GGA2: variants seen among roughly 807,000 people sequenced by gnomAD.
The protein encoded by GGA2 is golgi associated, gamma adaptin ear containing, ARF binding protein 2.
GGA2 carries 48 observed loss-of-function variants against 79.5 expected under a neutral mutation model. That is an observed-to-expected ratio of 0.60 (90% CI 0.48 to 0.77). The LOEUF (loss-of-function observed/expected upper bound fraction) is 0.77. GGA2 is among the 30% of genes least tolerant of loss of function. The pLI, the probability that GGA2 is intolerant of heterozygous loss-of-function variation, is 0.00. For synonymous variants in GGA2, 317 were observed against 302.0 expected, an observed-to-expected ratio of 1.05 and a Z score of -0.51; for missense variants, 770 against 774.0, an observed-to-expected ratio of 0.99 and a Z score of 0.06.
At chr16:23,494,095 A>G in intron 3 of GGA2, 1 of 587,132 alleles carries the variant, frequency 1.7e-6, no homozygotes, top group Admixed American at 3.0e-5. Context: ...AGTAGACTCA[A>G]TGCTGCCCTG....
intron 3 of GGA2, 45 bp from the exon 4 acceptor site, chr16:23,493,503 TC>T: frequency 8.3e-7 from 1 of 1,207,196 alleles, no homozygotes; most frequent in Non-Finnish European, 1.2e-6. Flanking sequence ...AAGCCAGTGG[TC>T]CCAGGCTCCC....
intron 1 of GGA2, among the ~76,000 whole-genome samples, chr16:23,520,012 C>T (rs766813865): frequency 2.6e-5 from 4 of 152,034 alleles, no homozygotes; most frequent in East Asian, 3.9e-4. Context: ...TTTGGGAGGC[C>T]GAGGCAGGCG....
Position 23,510,400 on chromosome 16 carries a change from G to T in GGA2, c.12C>A (p.Thr4=). 3 of 1,379,956 alleles carry T rather than the reference G, an allele frequency of 2.2e-6. No individual in the cohort carries two copies. Among genetic ancestry groups the T allele is most frequent in the South Asian group, 1.5e-5 (1 of 65,320 alleles). The allele number at this position is 1,379,956 out of a possible 1,614,324, so 85.5% of individuals were successfully genotyped here. ...TTCCCGCCACAGCCGCCGCCACCGC[G>T]GTCGCCGCCATCGCTCCAGCCCCGA... is the stretch of plus-strand genomic sequence containing the variant. MAA[T]AVAAAVAGTE... The change falls in exon 1 of 17, where the codon ACC becomes ACA. Residue 4 remains threonine (T), a synonymous_variant. Transcript: ENST00000309859.
intron 1 of GGA2, among the ~76,000 whole-genome samples, chr16:23,504,937 A>G (rs773859373): frequency 6.6e-5 from 10 of 152,180 alleles, no homozygotes; most frequent in Non-Finnish European, 1.2e-4. Context: ...TGGCTCATCC[A>G]AGAGTGACTA....
At position 23,491,929 on chromosome 16, in the gene GGA2, C is replaced by A. The variant is rs538174528; in HGVS notation, c.352-129G>T. ...GGCGCGGTATGAGTGTGAGGAGAGA[C>A]TAGAGGCCACACCATCTGGCGCCCA... is the stretch of plus-strand genomic sequence containing the variant. On this transcript the variant is annotated intron_variant, in intron 4 of 16. Transcript: ENST00000309859. The A allele has an allele frequency of 5.8e-5, 34 of 587,316 alleles. No homozygotes were observed. The African/African-American group carries it at 6.0e-4, about 10-fold the overall frequency. 36.4% of individuals were successfully genotyped at this position (587,316 alleles called of 1,614,324 possible).
In GGA2 at chr16:23,479,880, C is replaced by T; in HGVS notation, c.1014G>A (p.Gln338=). The change falls in exon 11 of 17, where the codon CAG becomes CAA. Residue 338 remains glutamine (Q), a synonymous_variant. Coordinates refer to ENST00000309859, the MANE Select transcript of GGA2 (RefSeq NM_015044.4). ...AGGTCTTCATGCAGCCTGCTGGATT[C>T]TGAAAGACTAGAAAGCCCAGGGTTA... The part of the protein sequence containing the change: ...LGDIPVSRVF[Q]NPAGCMKTCP... 1 of 1,614,030 alleles carries T rather than the reference C, an allele frequency of 6.2e-7. No individual in the cohort carries two copies. The highest frequency in any genetic ancestry group is 1.1e-5 in the South Asian group (1 of 91,076).
At chr16:23,487,006 G>A (rs1225427215) in intron 6 of GGA2, among the ~76,000 whole-genome samples, 3 of 136,388 alleles carry the variant, frequency 2.2e-5, no homozygotes, top group African/African-American at 8.0e-5. Context: ...TTTTTGAGAC[G>A]GGGTCTTGCT....
Position 23,464,981 on chromosome 16 carries a change from C to CA in GGA2, c.*2608dup, listed in dbSNP as rs574132245. ...TAAGAGACAGAGGAAAAAGAGCAGT[C>CA]ACGGAGGTAGGTCACGAAATGGGTC... On this transcript the variant is annotated 3_prime_UTR_variant, in exon 17 of 17. Coordinates refer to ENST00000309859, the MANE Select transcript of GGA2 (RefSeq NM_015044.4). 1.1e-3 allele frequency: 298 copies of CA among 272,578 alleles called. 2 individuals carry two copies. The highest frequency in any genetic ancestry group is 5.9e-3 in the African/African-American group (275 of 46,536). 16.9% of individuals were successfully genotyped at this position (272,578 alleles called of 1,614,324 possible).
At chr16:23,488,271 G>T (rs1277832837) in intron 6 of GGA2, among the ~76,000 whole-genome samples, 2 of 152,108 alleles carry the variant, frequency 1.3e-5, no homozygotes, top group Non-Finnish European at 2.9e-5. Context: ...ACAAAAGGGA[G>T]AGGGCACAAA....
chr16:23,518,838 C>T (rs1046549263), intron 2 of GGA2, among the ~76,000 whole-genome samples: 29 of 152,292 alleles, frequency 1.9e-4, no homozygotes, highest in Admixed American at 6.5e-4. Flanking sequence ...TATCTGGCAA[C>T]GTGCCAGGTG....
chr16:23,466,642 A>T lies in GGA2; in HGVS notation c.*948T>A, dbSNP rs982393393. The T allele has an allele frequency of 6.6e-6, 1 of 151,880 alleles. No individual in the cohort carries two copies. The highest frequency in any genetic ancestry group is 2.4e-5 in the African/African-American group (1 of 41,318). 9.4% of individuals were successfully genotyped at this position (151,880 alleles called of 1,614,324 possible). On this transcript the variant is annotated 3_prime_UTR_variant, in exon 17 of 17. Transcript: ENST00000309859. ...TGACTGTATATTTAGTCACCACCTCAATCACTGCTAAGCTCTCTTCATGTC... is the reference window on the plus strand; with the variant it reads ...TGACTGTATATTTAGTCACCACCTCTATCACTGCTAAGCTCTCTTCATGTC...
chr16:23,498,153 A>C (rs1964879049), intron 1 of GGA2, among the ~76,000 whole-genome samples: 1 of 151,962 alleles, frequency 6.6e-6, no homozygotes, highest in African/African-American at 2.4e-5. Flanking sequence ...GGCAGCGTGC[A>C]TCTATAATCC....
intron 12 of GGA2, 76 bp from the exon 13 acceptor site, chr16:23,478,577 C>T (rs887498834): frequency 7.0e-7 from 1 of 1,420,124 alleles, no homozygotes; most frequent in Non-Finnish European, 9.9e-7. Flanking sequence ...AGGCACAGCT[C>T]TCCTGAGCCC....
intron 9 of GGA2, 124 bp from the exon 10 acceptor site, chr16:23,480,894 GCCTC>G: frequency 1.1e-6 from 1 of 894,106 alleles, no homozygotes; most frequent in Non-Finnish European, 1.8e-6. Flanking sequence ...CACACCTCCT[GCCTC>G]CAGGTTGTGT....
chr16:23,504,089 A>C (rs1172887121), intron 1 of GGA2, among the ~76,000 whole-genome samples: 2 of 152,134 alleles, frequency 1.3e-5, no homozygotes, highest in Non-Finnish European at 2.9e-5. Context: ...CTCAAAAAAA[A>C]AAAAAAAAGT....
At chr16:23,468,040 C>CA (rs1964463141) in intron 16 of GGA2, among the ~76,000 whole-genome samples, 1 of 152,192 alleles carries the variant, frequency 6.6e-6, no homozygotes, top group African/African-American at 2.4e-5. Flanking sequence ...GCCCCAAAGA[C>CA]AGACTCCAGC....
chr16:23,512,656 T>C (rs1486343511), upstream of GGA2, among the ~76,000 whole-genome samples: 3 of 151,774 alleles, frequency 2.0e-5, no homozygotes, highest in Admixed American at 2.0e-4. Flanking sequence ...TTTGGACTGG[T>C]TTGAACATCT....
chr16:23,465,622 T>C lies in GGA2; in HGVS notation c.*1968A>G, dbSNP rs1015802810. On this transcript the variant is annotated 3_prime_UTR_variant, in exon 17 of 17. Coordinates refer to ENST00000309859, the MANE Select transcript of GGA2 (RefSeq NM_015044.4). ...ATTATGATGGGTACCTCTTCAAGACTACGCAACAGTAACAGAGCCTATAAA... is the reference window on the plus strand; with the variant it reads ...ATTATGATGGGTACCTCTTCAAGACCACGCAACAGTAACAGAGCCTATAAA... The C allele has an allele frequency of 8.8e-6, 5 of 570,606 alleles. No homozygotes were observed. Among genetic ancestry groups the C allele is most frequent in the African/African-American group, 1.9e-5 (1 of 53,278 alleles). 35.3% of individuals were successfully genotyped at this position (570,606 alleles called of 1,614,324 possible).
intron 13 of GGA2, among the ~76,000 whole-genome samples, chr16:23,476,365 T>C (rs1034340974): frequency 2.6e-5 from 4 of 152,118 alleles, no homozygotes; most frequent in Admixed American, 2.0e-4. Context: ...TGGGTGAAGG[T>C]AAGCTGCACT....
Sources: allele counts gnomAD v4.1 joint callset (sites outside exome capture counted in the v4.1 genomes callset), GRCh38; gene constraint gnomAD v4.1.1; transcripts MANE v1.5; gene names NCBI Gene and HGNC (gene_info 2026-07-23, HGNC 2026-07-21).